The following SAMD8 variants were observed in gnomAD, a reference collection of about 807,000 sequenced individuals.
The protein encoded by SAMD8 is sterile alpha motif domain containing 8.
A neutral mutation model predicts 42.0 loss-of-function variants in SAMD8; 20 were observed. The ratio of observed to expected loss-of-function variants is 0.48; its 90% CI spans 0.34 to 0.69. The LOEUF is 0.69. Ranked by LOEUF, SAMD8 falls within the 30% of genes least tolerant of loss-of-function variation. The pLI, the probability that SAMD8 is intolerant of heterozygous loss-of-function variation, is 0.01. For synonymous variants in SAMD8, 162 were observed against 173.0 expected, an observed-to-expected ratio of 0.94 and a Z score of 0.50; for missense variants, 328 against 511.6, an observed-to-expected ratio of 0.64 and a Z score of 3.46.
At chr10:75,153,507 A>T (rs1027493200) in intron 2 of SAMD8, among the ~76,000 whole-genome samples, 3 of 151,626 alleles carry the variant, frequency 2.0e-5, no homozygotes, top group African/African-American at 7.3e-5. Context: ...TCAGCTACTC[A>T]GGAGACTGAG....
chr10:75,127,103 C>T (rs1160879910), intron 1 of SAMD8, among the ~76,000 whole-genome samples: 2 of 150,860 alleles, frequency 1.3e-5, no homozygotes, highest in Non-Finnish European at 2.9e-5. Context: ...ACAGGAGAAT[C>T]GCTTGAACCT....
intron 4 of SAMD8, among the ~76,000 whole-genome samples, chr10:75,175,010 C>T (rs899612068): frequency 6.6e-6 from 1 of 152,206 alleles, no homozygotes; most frequent in Non-Finnish European, 1.5e-5. Flanking sequence ...TTCTGGTCTG[C>T]TATCCCAATA....
upstream of SAMD8, chr10:75,109,075 A>C (rs140736967): frequency 1.6e-5 from 25 of 1,612,288 alleles, no homozygotes; most frequent in Non-Finnish European, 2.0e-5. Flanking sequence ...CCCTGCCCGC[A>C]GGAGCTCCTC....
At chr10:75,132,928 A>G (rs950614164) in intron 1 of SAMD8, among the ~76,000 whole-genome samples, 2 of 152,140 alleles carry the variant, frequency 1.3e-5, no homozygotes, top group African/African-American at 2.4e-5. Flanking sequence ...GGTCAAGGCT[A>G]CAGTGAACCG....
chr10:75,124,617 A>G (rs1341796060), intron 1 of SAMD8, among the ~76,000 whole-genome samples: 1 of 151,538 alleles, frequency 6.6e-6, no homozygotes, highest in Non-Finnish European at 1.5e-5. Context: ...CATCTCAAAA[A>G]AAAAAAAAAA....
intron 1 of SAMD8, among the ~76,000 whole-genome samples, chr10:75,148,346 C>CTTTTTTTTTTTTTTTGT (rs1840194429): frequency 1.2e-5 from 1 of 82,564 alleles, no homozygotes; most frequent in African/African-American, 6.5e-5. Flanking sequence ...GCAATACCAG[C>CTTTTTTTTTTTTTTTGT]TTTTTTTTTT....
chr10:75,154,962 A>G (rs1046042621), intron 2 of SAMD8, among the ~76,000 whole-genome samples: 1 of 152,122 alleles, frequency 6.6e-6, no homozygotes, highest in Non-Finnish European at 1.5e-5. Flanking sequence ...GTGCATTCAT[A>G]GATCACTGTA....
intron 1 of SAMD8, among the ~76,000 whole-genome samples, chr10:75,140,120 G>T (rs746870593): frequency 1.6e-4 from 25 of 152,082 alleles, no homozygotes; most frequent in Admixed American, 2.0e-4. Flanking sequence ...TTTGTTTCTG[G>T]ACTCTATATT....
At chr10:75,169,169 CAAAAAAAA>C (rs1023080854) in intron 4 of SAMD8, among the ~76,000 whole-genome samples, 3 of 30,240 alleles carry the variant, frequency 9.9e-5, no homozygotes, top group Admixed American at 1.1e-3. Context: ...GACTCCATCT[CAAAAAAAA>C]AAAAAAAAAA....
At position 75,177,071 on chromosome 10, in the gene SAMD8, T is replaced by A. The variant is rs114996657; in HGVS notation, c.*379T>A. ...GTAGGGCTCTAGTCAAGAAATAATA[T>A]GTTTTGAAGCTCCTTATTACCTTTA... On this transcript the variant is annotated 3_prime_UTR_variant, in exon 6 of 6. Transcript: ENST00000542569. 6.9e-3 allele frequency: 1,157 copies of A among 167,064 alleles called. 17 individuals are homozygous for A. The highest frequency in any genetic ancestry group is 0.026 in the African/African-American group (1,110 of 41,902). 10.3% of individuals were successfully genotyped at this position (167,064 alleles called of 1,614,324 possible). A position where few individuals can be genotyped will look rare whatever the true frequency, so the allele number is the denominator to read the frequency against.
At position 75,150,956 on chromosome 10, in the gene SAMD8, G is replaced by A. The variant is rs143475618; in HGVS notation, c.428G>A (p.Arg143Gln). The A allele has an allele frequency of 2.0e-4, 323 of 1,613,228 alleles. 1 individual carries two copies. The East Asian group carries it at 6.9e-3, about 34-fold the overall frequency. The change falls in exon 2 of 6, where the codon CGA (arginine) becomes CAA (glutamine). Residue 143 changes from arginine (R) to glutamine (Q), a missense_variant. By Grantham distance (43) the Arg-to-Gln change is conservative. Coordinates refer to ENST00000542569, the MANE Select transcript of SAMD8 (RefSeq NM_001174156.2). The stretch of plus-strand genomic sequence containing the variant: ...AATGGTAAAAACAAACATTCTGTTC[G>A]AAGATTGGACCCAGAATACTGGAAG... ...YMNGKNKHSV[R>Q]RLDPEYWKTI...
At chr10:75,116,700 AC>A (rs539235079) in intron 1 of SAMD8, among the ~76,000 whole-genome samples, 140 of 152,346 alleles carry the variant, frequency 9.2e-4, no homozygotes, top group African/African-American at 3.3e-3. Flanking sequence ...CCAAAACCAT[AC>A]ATTAAAATTT....
At chr10:75,175,958 G>T in intron 4 of SAMD8, 108 bp from the exon 5 acceptor site, 3 of 1,519,942 alleles carry the variant, frequency 2.0e-6, no homozygotes, top group South Asian at 2.7e-5. Flanking sequence ...CTTTGGCTTA[G>T]ATCTTATTTC....
chr10:75,161,582 T>C (rs1840559109), intron 2 of SAMD8, among the ~76,000 whole-genome samples: 1 of 148,424 alleles, frequency 6.7e-6, no homozygotes, highest in African/African-American at 2.5e-5. Flanking sequence ...GAAAACAAAA[T>C]AAGGAGCAGA....
intron 1 of SAMD8, among the ~76,000 whole-genome samples, chr10:75,103,364 G>A (rs1350759914): frequency 6.6e-6 from 1 of 151,902 alleles, no homozygotes; most frequent in Non-Finnish European, 1.5e-5. Context: ...CAGGTGTAGA[G>A]CAGGTCTTCA....
At position 75,176,772 on chromosome 10, in the gene SAMD8, T is replaced by G. The variant is rs1330662012; in HGVS notation, c.*80T>G. The G allele has an allele frequency of 9.7e-7, 1 of 1,027,220 alleles. No homozygotes were observed. Among genetic ancestry groups the G allele is most frequent in the Non-Finnish European group, 1.4e-6 (1 of 720,492 alleles). The allele number at this position is 1,027,220 out of a possible 1,614,324, so 63.6% of individuals were successfully genotyped here. A position where few individuals can be genotyped will look rare whatever the true frequency, so the allele number is the denominator to read the frequency against. ...GTAACTTTGCGTTCTCCCCCTAGGT[T>G]GTTCTTAGATGCCTGGCTTATGTGT... On this transcript the variant is annotated 3_prime_UTR_variant, in exon 6 of 6. Transcript: ENST00000542569. The surrounding 1 kb of genome is among the most constrained non-coding windows in gnomAD (Gnocchi z 4.3).
At position 75,176,282 on chromosome 10, in the gene SAMD8, G is replaced by T; in HGVS notation, c.943+66G>T. 1 of 1,612,096 alleles carries T rather than the reference G, an allele frequency of 6.2e-7. No homozygotes were observed. Reference sequence around the variant, plus strand: ...AGCTGCAGTGAAGGCTGTGGGAAGGGTGTCAGATCCTGTGAAGAATGGCAA... The same window carrying T: ...AGCTGCAGTGAAGGCTGTGGGAAGGTTGTCAGATCCTGTGAAGAATGGCAA... On this transcript the variant is annotated intron_variant, in intron 5 of 5. Coordinates refer to ENST00000542569, the MANE Select transcript of SAMD8 (RefSeq NM_001174156.2). The surrounding 1 kb of genome is among the most constrained non-coding windows in gnomAD (Gnocchi z 4.3).
At chr10:75,135,037 G>C (rs2134451548) in intron 1 of SAMD8, among the ~76,000 whole-genome samples, 1 of 151,848 alleles carries the variant, frequency 6.6e-6, no homozygotes, top group East Asian at 1.9e-4. Flanking sequence ...CTCCAGCCTG[G>C]GAAAGAGAAC....
intron 1 of SAMD8, among the ~76,000 whole-genome samples, chr10:75,124,558 A>G (rs1229459030): frequency 6.8e-6 from 1 of 147,936 alleles, no homozygotes; most frequent in Non-Finnish European, 1.5e-5. Flanking sequence ...GATTGCAGTG[A>G]GTTGAGATGG....
Sources: allele counts gnomAD v4.1 joint callset (sites outside exome capture counted in the v4.1 genomes callset), GRCh38; gene constraint gnomAD v4.1.1; non-coding constraint Gnocchi (gnomAD v3.1); transcripts MANE v1.5; gene names NCBI Gene and HGNC (gene_info 2026-07-23, HGNC 2026-07-21).